The following RABGEF1 variants were observed in gnomAD, a reference collection of about 807,000 sequenced individuals.
RABGEF1 encodes RAB guanine nucleotide exchange factor 1.
RABGEF1 carries 26 observed loss-of-function variants against 57.3 expected under a neutral mutation model. That is an observed-to-expected ratio of 0.45 (90% CI 0.33 to 0.63). The LOEUF (loss-of-function observed/expected upper bound fraction) is 0.63, where lower values mean the gene tolerates loss of function less well. Ranked by LOEUF, RABGEF1 falls within the 20% of genes least tolerant of loss-of-function variation. The probability of loss-of-function intolerance (pLI) is 0.02; values close to 1 mark genes in which losing one functional copy is unlikely to be tolerated. For missense variants in RABGEF1, 464 were observed against 607.6 expected (o/e 0.76, Z 2.48); for synonymous variants, 185 against 210.7 (o/e 0.88, Z 1.06).
upstream of RABGEF1, chr7:66,740,226 GC>G (rs1258571820): frequency 6.5e-6 from 1 of 152,784 alleles, no homozygotes; most frequent in Non-Finnish European, 1.5e-5. Context: ...TCCTGCCTGG[GC>G]CTCCTAAAGA....
chr7:66,722,138 C>T (rs1796119796), intron 2 of RABGEF1, among the ~76,000 whole-genome samples: 1 of 151,956 alleles, frequency 6.6e-6, no homozygotes, highest in African/African-American at 2.4e-5. Context: ...TCCTGGGCAA[C>T]AGAATAGGAC....
the RABGEF1 span, among the ~76,000 whole-genome samples, chr7:66,660,756 C>T: frequency 3.9e-5 from 6 of 152,322 alleles, no homozygotes; most frequent in East Asian, 1.9e-4. Flanking sequence ...AGACATTTAA[C>T]GAAAATTAAT....
At position 66,734,016 on chromosome 7, in the gene RABGEF1, A is replaced by G. The variant is rs565207540; in HGVS notation, c.-814-5980A>G. ...CGAGACTCCGTCTCAAAAACAAAAA[A>G]CAAAAAAAACCTCCTAGAGGCAGTC... On this transcript the variant is annotated intron_variant and NMD_transcript_variant, in intron 2 of 9. Transcript: ENST00000607882. Among the ~76,000 whole-genome samples the G allele has an allele frequency of 6.3e-3, 955 of 152,262 alleles. 7 individuals are homozygous for G. Among genetic ancestry groups the G allele is most frequent in the Non-Finnish European group, 9.6e-3 (654 of 67,994 alleles).
At chr7:66,678,413 A>G (rs564101208), upstream of RABGEF1, among the ~76,000 whole-genome samples, 1 of 151,626 alleles carries the variant, frequency 6.6e-6, no homozygotes, top group Admixed American at 6.6e-5. Flanking sequence ...AAAATACAAA[A>G]AATTAGCCGG....
chr7:66,796,294 A>T (rs1205144918), intron 5 of RABGEF1, among the ~76,000 whole-genome samples: 1 of 152,198 alleles, frequency 6.6e-6, no homozygotes, highest in East Asian at 1.9e-4. Context: ...ACCTTCACTG[A>T]TACTAGACTT....
At chr7:66,784,993 A>G (rs1432841902) in intron 4 of RABGEF1, among the ~76,000 whole-genome samples, 5 of 152,162 alleles carry the variant, frequency 3.3e-5, no homozygotes, top group African/African-American at 1.2e-4. Flanking sequence ...CCCACATGAA[A>G]TGTTCACGGG....
intron 4 of RABGEF1, among the ~76,000 whole-genome samples, chr7:66,787,319 C>T (rs1178780766): frequency 1.3e-5 from 2 of 148,808 alleles, no homozygotes; most frequent in Admixed American, 1.4e-4. Flanking sequence ...CAGAAGTGAG[C>T]CACCATGCCT....
At chr7:66,739,529 G>A (rs1468474488), upstream of RABGEF1, among the ~76,000 whole-genome samples, 1 of 151,580 alleles carries the variant, frequency 6.6e-6, no homozygotes, top group African/African-American at 2.4e-5. Context: ...GGGCGTGGTG[G>A]CGGGTGCCTG....
intron 3 of RABGEF1, among the ~76,000 whole-genome samples, chr7:66,780,099 G>A (rs369270888): frequency 2.0e-5 from 3 of 152,184 alleles, no homozygotes; most frequent in African/African-American, 7.2e-5. Context: ...TGGGAGGGAG[G>A]CATGTTGTAA....
intron 1 of RABGEF1, among the ~76,000 whole-genome samples, chr7:66,701,894 A>T (rs1469181780): frequency 6.6e-6 from 1 of 152,142 alleles, no homozygotes; most frequent in Non-Finnish European, 1.5e-5. Flanking sequence ...GACTGTTTTT[A>T]AAAATTGTGG....
At chr7:66,753,257 G>A (rs1387726819) in intron 1 of RABGEF1, among the ~76,000 whole-genome samples, 1 of 152,106 alleles carries the variant, frequency 6.6e-6, no homozygotes, top group Non-Finnish European at 1.5e-5. Context: ...GAATCAAAGG[G>A]GGTGCTTTTA....
chr7:66,752,751 C>T (rs1370977486), intron 1 of RABGEF1, among the ~76,000 whole-genome samples: 1 of 152,212 alleles, frequency 6.6e-6, no homozygotes, highest in Admixed American at 6.5e-5. Context: ...ACCCAGTACT[C>T]TGTGTTTTAA....
At chr7:66,782,961 G>T (rs535464811) in intron 3 of RABGEF1, among the ~76,000 whole-genome samples, 1 of 152,298 alleles carries the variant, frequency 6.6e-6, no homozygotes, top group African/African-American at 2.4e-5. Flanking sequence ...CTTACTGCCT[G>T]TTACAACATC....
upstream of RABGEF1, among the ~76,000 whole-genome samples, chr7:66,680,885 A>G (rs928014902): frequency 1.3e-5 from 2 of 152,168 alleles, no homozygotes; most frequent in Non-Finnish European, 1.5e-5. Flanking sequence ...ATTCCAAACC[A>G]GCCTGGCCAA....
intron 5 of RABGEF1, chr7:66,796,878 C>T (rs1026031327): frequency 2.0e-5 from 9 of 445,226 alleles, no homozygotes; most frequent in Non-Finnish European, 3.1e-5. Flanking sequence ...GGAGTAGAGC[C>T]ACCGCACCCA....
Position 66,704,444 on chromosome 7 carries a change from CCTAT to C in RABGEF1, c.-872-7718_-872-7715del, listed in dbSNP as rs938100052. Among the ~76,000 whole-genome samples, 3 of 152,256 alleles carry C rather than the reference CCTAT, an allele frequency of 2.0e-5. No homozygotes were observed. In the South Asian group the frequency reaches 6.2e-4, roughly 32 times the overall value. On this transcript the variant is annotated intron_variant and NMD_transcript_variant, in intron 1 of 9. Transcript: ENST00000607882. Reference sequence around the variant, plus strand: ...CTCTGTATGCCTTATTTTAAAACTGCCTATCTATTTTCCCAAGTGGTTGTATCAT... The same window carrying C: ...CTCTGTATGCCTTATTTTAAAACTGCCTATTTTCCCAAGTGGTTGTATCAT...
At chr7:66,697,404 T>C (rs948337711) in intron 1 of RABGEF1, among the ~76,000 whole-genome samples, 4 of 152,136 alleles carry the variant, frequency 2.6e-5, no homozygotes, top group Non-Finnish European at 5.9e-5. Context: ...TTCTATAACA[T>C]AATTTCTGTG....
At chr7:66,672,292 C>T in the RABGEF1 span, among the ~76,000 whole-genome samples, 2 of 151,132 alleles carry the variant, frequency 1.3e-5, no homozygotes, top group South Asian at 2.1e-4. Context: ...ATTAGCCGGG[C>T]GCGGTGGCGG....
At chr7:66,712,873 A>G (rs1251226103) in intron 2 of RABGEF1, among the ~76,000 whole-genome samples, 1 of 142,268 alleles carries the variant, frequency 7.0e-6, no homozygotes, top group Non-Finnish European at 1.5e-5. Flanking sequence ...GGAGTGCCAT[A>G]GTGCAAACAC....
Sources: allele counts gnomAD v4.1 joint callset (sites outside exome capture counted in the v4.1 genomes callset), GRCh38; gene constraint gnomAD v4.1.1; transcripts MANE v1.5; gene names NCBI Gene and HGNC (gene_info 2026-07-23, HGNC 2026-07-21).